Variants in BACH2 observed in about 807,000 individuals in gnomAD.
BACH2 encodes the protein BACH transcriptional regulator 2, also known as transcription regulator protein BACH2.
Under a neutral mutation model 61.8 loss-of-function variants are expected in BACH2, and 5 were observed. The ratio of observed to expected loss-of-function variants is 0.08; its 90% confidence interval spans 0.04 to 0.17. The LOEUF is 0.17. Ranked by LOEUF, BACH2 falls within the 10% of genes least tolerant of loss-of-function variation. The pLI is 1.00. For missense variants in BACH2, 824 were observed against 1,091.1 expected (o/e 0.76, Z 3.45); for synonymous variants, 446 against 440.1 (o/e 1.01, Z -0.17).
chr6:90,102,831 AATAAT>A (rs1562445684), intron 4 of BACH2, among the ~76,000 whole-genome samples: 101 of 140,676 alleles, frequency 7.2e-4, no homozygotes, highest in African/African-American at 2.5e-3. Flanking sequence ...TAATAATAAT[AATAAT>A]AATAAAAATA....
intron 6 of BACH2, among the ~76,000 whole-genome samples, chr6:89,973,306 T>C (rs1037936196): frequency 1.3e-5 from 2 of 152,034 alleles, no homozygotes; most frequent in Non-Finnish European, 2.9e-5. Flanking sequence ...GCTAGTATAA[T>C]GTGAGATGAT....
chr6:90,213,502 G>A (rs1045457233), intron 3 of BACH2, among the ~76,000 whole-genome samples: 1 of 152,124 alleles, frequency 6.6e-6, no homozygotes, highest in Non-Finnish European at 1.5e-5. Flanking sequence ...GGGCTTCACT[G>A]CCCACAGAAA....
rs959559667 is a variant in BACH2, at chr6:90,285,478, C to T, written c.-446+11002G>A. Among the ~76,000 whole-genome samples, 10 of 152,248 alleles carry T rather than the reference C, an allele frequency of 6.6e-5. No individual in the cohort carries two copies. The East Asian group carries it at 1.9e-3, about 29-fold the overall frequency. ...CTTAGTAGGAAATAACAGCACATTC[C>T]CTTTTCATTTATTATCAGCCCCTTT... On this transcript the variant is annotated intron_variant, in intron 1 of 8. Transcript: ENST00000257749.
At chr6:89,989,596 G>A (rs778956007) in intron 6 of BACH2, among the ~76,000 whole-genome samples, 10 of 152,136 alleles carry the variant, frequency 6.6e-5, no homozygotes, top group Admixed American at 3.9e-4. Context: ...ATAGTTGCAG[G>A]AGAAGGTCCT....
intron 7 of BACH2, among the ~76,000 whole-genome samples, chr6:89,943,475 T>C (rs1261560224): frequency 2.0e-5 from 3 of 151,904 alleles, no homozygotes; most frequent in Non-Finnish European, 2.9e-5. Context: ...TATATAAATA[T>C]AGCTTTCATA....
At chr6:90,144,691 C>A (rs1352764335) in intron 4 of BACH2, among the ~76,000 whole-genome samples, 2 of 152,180 alleles carry the variant, frequency 1.3e-5, no homozygotes, top group Non-Finnish European at 2.9e-5. Context: ...AAACCAATTT[C>A]TTACAAATAT....
intron 4 of BACH2, among the ~76,000 whole-genome samples, chr6:90,142,689 A>G (rs771085721): frequency 6.6e-6 from 1 of 152,182 alleles, no homozygotes; most frequent in Admixed American, 6.5e-5. Context: ...TGTATACACA[A>G]TGAAAAAAAG....
intron 6 of BACH2, among the ~76,000 whole-genome samples, chr6:89,969,599 C>A (rs760697357): frequency 9.2e-5 from 14 of 152,168 alleles, no homozygotes; most frequent in Non-Finnish European, 1.5e-4. Flanking sequence ...TGACCCTGAC[C>A]TTGGCAGCCT....
intron 5 of BACH2, among the ~76,000 whole-genome samples, chr6:90,053,438 T>C (rs1780155837): frequency 6.6e-6 from 1 of 151,962 alleles, no homozygotes; most frequent in Admixed American, 6.6e-5. Context: ...CACCACCCAT[T>C]TGGCTAATTT....
At chr6:90,253,748 TAA>T (rs1480270662) in intron 2 of BACH2, among the ~76,000 whole-genome samples, 1 of 152,222 alleles carries the variant, frequency 6.6e-6, no homozygotes. Context: ...AAGTGTATTT[TAA>T]AGAGAAAACA....
At chr6:90,067,169 C>CA (rs1054657401) in intron 5 of BACH2, among the ~76,000 whole-genome samples, 1 of 151,910 alleles carries the variant, frequency 6.6e-6, no homozygotes, top group Admixed American at 6.6e-5. Flanking sequence ...GGTCTGGTGG[C>CA]AAAAAATGAG....
chr6:90,180,186 T>A (rs1326481172), intron 4 of BACH2, among the ~76,000 whole-genome samples: 7 of 152,258 alleles, frequency 4.6e-5, no homozygotes, highest in African/African-American at 1.7e-4. Context: ...TTTAACTTTT[T>A]AAAATATTGA....
intron 4 of BACH2, among the ~76,000 whole-genome samples, chr6:90,188,836 A>C (rs1481401754): frequency 1.3e-5 from 2 of 151,862 alleles, no homozygotes; most frequent in Non-Finnish European, 2.9e-5. Context: ...AAAATAAAAA[A>C]CAACATCAGT....
At chr6:90,120,689 G>C (rs1013078699) in intron 4 of BACH2, among the ~76,000 whole-genome samples, 1 of 152,190 alleles carries the variant, frequency 6.6e-6, no homozygotes, top group African/African-American at 2.4e-5. Context: ...CTATCCAATA[G>C]AAAGTCTTTT....
chr6:90,031,204 C>A (rs1245156410), intron 5 of BACH2, among the ~76,000 whole-genome samples: 2 of 151,966 alleles, frequency 1.3e-5, no homozygotes, highest in Non-Finnish European at 2.9e-5. Flanking sequence ...GGACATATCT[C>A]AAAATAATAA....
chr6:90,166,004 G>T (rs1052552057), intron 4 of BACH2, among the ~76,000 whole-genome samples: 74 of 152,148 alleles, frequency 4.9e-4, no homozygotes, highest in Non-Finnish European at 8.5e-4. Context: ...CATGGGCAAG[G>T]ACTTCATGTC....
At chr6:89,999,583 C>T (rs183805906) in intron 6 of BACH2, among the ~76,000 whole-genome samples, 50 of 152,086 alleles carry the variant, frequency 3.3e-4, no homozygotes, top group African/African-American at 1.1e-3. Context: ...GGTAAAGGCC[C>T]GGGTTCTATG....
At chr6:90,251,055 C>A (rs1375896617) in intron 3 of BACH2, among the ~76,000 whole-genome samples, 1 of 152,094 alleles carries the variant, frequency 6.6e-6, no homozygotes. Flanking sequence ...TGTCTCCTAA[C>A]TCCATACAAA....
chr6:90,187,534 T>G (rs1241638915), intron 4 of BACH2, among the ~76,000 whole-genome samples: 1 of 152,206 alleles, frequency 6.6e-6, no homozygotes, highest in African/African-American at 2.4e-5. Context: ...TACTATGTGA[T>G]GGGTCACCAG....
Sources: gnomAD v4.1 joint callset for allele counts (sites outside exome capture counted in the v4.1 genomes callset) on GRCh38, gnomAD v4.1.1 for gene constraint, MANE v1.5 for transcripts, NCBI Gene and HGNC (gene_info 2026-07-23, HGNC 2026-07-21) for gene names.